MYO16: variants seen among roughly 807,000 people sequenced by gnomAD.
MYO16 encodes myosin XVI.
A neutral mutation model predicts 205.3 loss-of-function variants in MYO16; 94 were observed. That is an observed-to-expected ratio of 0.46 (90% confidence interval 0.39 to 0.54). The LOEUF is 0.54. Ranked by LOEUF, MYO16 falls within the 20% of genes least tolerant of loss-of-function variation. The probability of loss-of-function intolerance (pLI) is 0.00; values close to 1 mark genes in which losing one functional copy is unlikely to be tolerated. For missense variants in MYO16, 2,315 were observed against 2,387.5 expected (o/e 0.97, Z 0.63); for synonymous variants, 988 against 954.0 (o/e 1.04, Z -0.66).
chr13:108,807,366 C>T (rs1453901359), intron 7 of MYO16, among the ~76,000 whole-genome samples: 4 of 152,000 alleles, frequency 2.6e-5, no homozygotes, highest in Non-Finnish European at 4.4e-5. Context: ...TTGCATTTCA[C>T]GTATTTTAGA....
intron 34 of MYO16, among the ~76,000 whole-genome samples, chr13:109,198,430 A>C (rs955661081): frequency 3.9e-5 from 6 of 152,170 alleles, no homozygotes; most frequent in African/African-American, 1.4e-4. Context: ...AAGCTGTAAG[A>C]GTTTTCTAAT....
upstream of MYO16, among the ~76,000 whole-genome samples, chr13:108,628,813 C>T (rs1206084468): frequency 3.9e-5 from 6 of 152,110 alleles, no homozygotes; most frequent in African/African-American, 9.7e-5. Context: ...TTTCCTATAA[C>T]CTCAAACCTG....
rs183885075 is a variant in MYO16, at chr13:109,141,577, C to G, written c.5164+201C>G. Among the ~76,000 whole-genome samples the G allele has an allele frequency of 7.1e-4, 108 of 152,240 alleles. No homozygotes were observed. The highest frequency in any genetic ancestry group is 1.8e-3 in the Admixed American group (27 of 15,304). On this transcript the variant is annotated intron_variant, in intron 32 of 34. Transcript: ENST00000457511. This position sits in a 1 kb window ranked among gnomAD's most constrained non-coding sequence, Gnocchi z 4.1. ...GGTAGGAATTAATATTTCCATATTGCAGAATATGATAGGAAAGGCTCGTGA... is the reference window on the plus strand; with the variant it reads ...GGTAGGAATTAATATTTCCATATTGGAGAATATGATAGGAAAGGCTCGTGA...
chr13:108,737,903 G>T (rs983970712), intron 4 of MYO16, among the ~76,000 whole-genome samples: 3 of 152,146 alleles, frequency 2.0e-5, no homozygotes, highest in African/African-American at 7.2e-5. Flanking sequence ...ATTTCTTCTA[G>T]ATTTTCTAGT....
At chr13:108,619,760 C>T (rs747410054) in intron 1 of MYO16, among the ~76,000 whole-genome samples, 5 of 152,134 alleles carry the variant, frequency 3.3e-5, no homozygotes, top group Non-Finnish European at 7.4e-5. Flanking sequence ...TTCTCCTCTC[C>T]AGATGTCTCT....
chr13:109,065,518 G>A, intron 27 of MYO16: 1 of 426,614 alleles, frequency 2.3e-6, no homozygotes, highest in Non-Finnish European at 4.5e-6. Context: ...GTAATAGGAG[G>A]CCATGCTGAA....
intron 20 of MYO16, among the ~76,000 whole-genome samples, chr13:108,983,747 T>A (rs1337953276): frequency 6.6e-6 from 1 of 152,176 alleles, no homozygotes; most frequent in Non-Finnish European, 1.5e-5. Context: ...CCTTCCATTC[T>A]TAATTGTTAA....
intron 34 of MYO16, among the ~76,000 whole-genome samples, chr13:109,192,871 C>G (rs752281195): frequency 5.3e-5 from 8 of 152,198 alleles, no homozygotes; most frequent in Non-Finnish European, 1.0e-4. Context: ...GGTAACCTAA[C>G]TGGGACCTCT....
At chr13:108,765,638 C>T (rs1885754286) in intron 4 of MYO16, among the ~76,000 whole-genome samples, 1 of 152,160 alleles carries the variant, frequency 6.6e-6, no homozygotes, top group South Asian at 2.1e-4. Flanking sequence ...ATCTCATCCC[C>T]ATCAGATACA....
chr13:108,782,645 C>G (rs1886338891), intron 4 of MYO16, among the ~76,000 whole-genome samples: 1 of 152,300 alleles, frequency 6.6e-6, no homozygotes, highest in Admixed American at 6.5e-5. Flanking sequence ...CCTCCCATCA[C>G]AGGCCCAGAG....
intron 5 of MYO16, among the ~76,000 whole-genome samples, chr13:108,791,727 C>T (rs542089923): frequency 6.6e-5 from 10 of 152,196 alleles, no homozygotes; most frequent in East Asian, 1.9e-4. Flanking sequence ...ATATGCAACA[C>T]GCTTGATGTG....
chr13:108,910,594 A>G (rs1881209411), intron 16 of MYO16, among the ~76,000 whole-genome samples: 1 of 152,188 alleles, frequency 6.6e-6, no homozygotes, highest in East Asian at 1.9e-4. Flanking sequence ...TGGAGGCAGA[A>G]AGCACTTGTG....
intron 22 of MYO16, among the ~76,000 whole-genome samples, chr13:109,016,285 C>T (rs1294621495): frequency 6.6e-6 from 1 of 152,184 alleles, no homozygotes; most frequent in Non-Finnish European, 1.5e-5. Context: ...GAGTGAGTTT[C>T]TTAATCCTGA....
At chr13:108,765,454 A>G (rs767999472) in intron 4 of MYO16, among the ~76,000 whole-genome samples, 1 of 152,166 alleles carries the variant, frequency 6.6e-6, no homozygotes, top group Non-Finnish European at 1.5e-5. Flanking sequence ...GGAAAATAAC[A>G]ATATTCCCTT....
Position 108,957,671 on chromosome 13 carries a change from G to A in MYO16, c.1926-17G>A, listed in dbSNP as rs762450469. Reference sequence around the variant, plus strand: ...CGGAAGCCAGGCGATAACGTTACGTGCCTTGTCTCCTAACAGGTATTTGAA... The same window carrying A: ...CGGAAGCCAGGCGATAACGTTACGTACCTTGTCTCCTAACAGGTATTTGAA... On this transcript the variant is annotated splice_polypyrimidine_tract_variant and intron_variant, in intron 16 of 34. Coordinates refer to ENST00000457511, the MANE Select transcript of MYO16 (RefSeq NM_001198950.3). 5.1e-6 allele frequency: 8 copies of A among 1,570,704 alleles called. No homozygotes were observed. Among genetic ancestry groups the A allele is most frequent in the Non-Finnish European group, 7.0e-6 (8 of 1,141,908 alleles).
intron 23 of MYO16, among the ~76,000 whole-genome samples, chr13:109,022,944 T>G (rs1207365540): frequency 6.0e-5 from 8 of 134,256 alleles, no homozygotes; most frequent in Non-Finnish European, 6.1e-5. Flanking sequence ...TGTAAATATA[T>G]GTATACATTT....
intron 24 of MYO16, among the ~76,000 whole-genome samples, chr13:109,050,866 T>A (rs1465390137): frequency 7.6e-6 from 1 of 131,986 alleles, no homozygotes; most frequent in Non-Finnish European, 1.7e-5. Context: ...GTCTCTTGAC[T>A]TTTTTTTTTT....
At chr13:108,597,932 A>T (rs1483981553) in intron 1 of MYO16, among the ~76,000 whole-genome samples, 1 of 152,214 alleles carries the variant, frequency 6.6e-6, no homozygotes, top group African/African-American at 2.4e-5. Flanking sequence ...AGAAAAAGAT[A>T]ACTTTTCCTA....
intron 33 of MYO16, among the ~76,000 whole-genome samples, chr13:109,165,374 T>A (rs905458163): frequency 6.6e-6 from 1 of 152,132 alleles, no homozygotes; most frequent in African/African-American, 2.4e-5. Flanking sequence ...AATTAAAAAA[T>A]TATTCTGGAA....
Sources: allele counts gnomAD v4.1 joint callset (sites outside exome capture counted in the v4.1 genomes callset), GRCh38; gene constraint gnomAD v4.1.1; non-coding constraint Gnocchi (gnomAD v3.1); transcripts MANE v1.5; gene names NCBI Gene and HGNC (gene_info 2026-07-23, HGNC 2026-07-21).